SLC25A42: variants seen among roughly 807,000 people sequenced by gnomAD.
The protein encoded by SLC25A42 is solute carrier family 25 member 42.
In SLC25A42, 19 loss-of-function variants were observed where a neutral mutation model predicts 34.7. The ratio of observed to expected loss-of-function variants is 0.55; its 90% CI spans 0.38 to 0.80. The LOEUF (loss-of-function observed/expected upper bound fraction) is 0.80. Among genes scored for constraint, SLC25A42 ranks in the 30% least tolerant of loss-of-function variants. The pLI, the probability that SLC25A42 is intolerant of heterozygous loss-of-function variation, is 0.00. For missense variants in SLC25A42, 364 were observed against 441.3 expected, an observed-to-expected ratio of 0.82 and a Z score of 1.57; for synonymous variants, 205 against 191.2, an observed-to-expected ratio of 1.07 and a Z score of -0.59.
chr19:19,085,127 T>A (rs547937702), intron 1 of SLC25A42, among the ~76,000 whole-genome samples: 1 of 152,170 alleles, frequency 6.6e-6, no homozygotes, highest in East Asian at 1.9e-4. Flanking sequence ...CTGAGTTTCA[T>A]CTGCAGAGTA....
At position 19,065,761 on chromosome 19, in the gene SLC25A42, ATAT is replaced by A. The variant is rs563971229; in HGVS notation, c.-35+1648_-35+1650del. 4.5e-3 allele frequency among the ~76,000 whole-genome samples: 691 copies of A among 152,322 alleles called. 7 individuals are homozygous for A. Among genetic ancestry groups the A allele is most frequent in the African/African-American group, 0.016 (663 of 41,558 alleles). On this transcript the variant is annotated intron_variant, in intron 1 of 7. Transcript: ENST00000318596. ...GTACACATATGTACATGTACCTATA[ATAT>A]TCATATGTTTATATACATATTTTAT...
Position 19,066,387 on chromosome 19 carries a change from A to G in SLC25A42, c.-35+2272A>G, listed in dbSNP as rs529121175. On this transcript the variant is annotated intron_variant, in intron 1 of 7. Coordinates refer to ENST00000318596, the MANE Select transcript of SLC25A42 (RefSeq NM_178526.5). ...TGGTAAATTTGCATTGAGCAGACAT[A>G]TGCATTCTAAGGCCAGTCCCTTACT... Among the ~76,000 whole-genome samples, 8 of 151,914 alleles carry G rather than the reference A, an allele frequency of 5.3e-5. No homozygotes were observed. The South Asian group carries it at 1.7e-3, about 32-fold the overall frequency.
intron 2 of SLC25A42, among the ~76,000 whole-genome samples, chr19:19,101,035 A>T (rs1007872737): frequency 1.3e-5 from 2 of 152,124 alleles, no homozygotes; most frequent in Non-Finnish European, 2.9e-5. Flanking sequence ...CCCGTGGCCG[A>T]GTCAGCAGGG....
rs1461570466 is a variant in SLC25A42 at position 19,085,445 on chromosome 19, G to T, written c.-34-10646G>T. Among the ~76,000 whole-genome samples, 6 of 151,212 alleles carry T rather than the reference G, an allele frequency of 4.0e-5. No individual in the cohort carries two copies. In the East Asian group the frequency reaches 7.7e-4, roughly 20 times the overall value. ...CACCCACGCTGGAGTGCAGTGCCGCGATCTCAGCCCACTGCAACCTCTGCT... is the reference window on the plus strand; with the variant it reads ...CACCCACGCTGGAGTGCAGTGCCGCTATCTCAGCCCACTGCAACCTCTGCT... On this transcript the variant is annotated intron_variant, in intron 1 of 7. Transcript: ENST00000318596.
At chr19:19,069,425 A>G (rs2059618226) in intron 1 of SLC25A42, among the ~76,000 whole-genome samples, 1 of 152,166 alleles carries the variant, frequency 6.6e-6, no homozygotes, top group Admixed American at 6.5e-5. Context: ...AAATTACCAC[A>G]AACTGGGGGG....
Position 19,096,087 on chromosome 19 carries a change from C to G in SLC25A42, c.-34-4C>G, listed in dbSNP as rs76580632. The G allele has an allele frequency of 4.4e-6, 7 of 1,587,058 alleles. No homozygotes were observed. Among genetic ancestry groups the G allele is most frequent in the African/African-American group, 1.3e-5 (1 of 74,482 alleles). On this transcript the variant is annotated splice_region_variant and splice_polypyrimidine_tract_variant and intron_variant, in intron 1 of 7. Transcript: ENST00000318596. ...TATCTTACCACCTCCCCTTACCCCC[C>G]CAGGACCGAGTCTCCTGCCATTCCG... is the stretch of plus-strand genomic sequence containing the variant.
At chr19:19,073,700 G>A (rs566532524) in intron 1 of SLC25A42, among the ~76,000 whole-genome samples, 1 of 151,552 alleles carries the variant, frequency 6.6e-6, no homozygotes, top group African/African-American at 2.4e-5. Context: ...CCAGCCTCCC[G>A]AATAGCTGGG....
intron 1 of SLC25A42, among the ~76,000 whole-genome samples, chr19:19,074,704 T>G (rs560802500): frequency 6.6e-6 from 1 of 151,184 alleles, no homozygotes; most frequent in African/African-American, 2.4e-5. Context: ...TGTGAGAGAG[T>G]GTGTGTGTGC....
At chr19:19,075,228 T>A (rs1212731905) in intron 1 of SLC25A42, among the ~76,000 whole-genome samples, 1 of 152,096 alleles carries the variant, frequency 6.6e-6, no homozygotes, top group East Asian at 1.9e-4. Flanking sequence ...TTCCCATTGC[T>A]CTGGAGGTTC....
At chr19:19,064,808 C>T (rs1465110315) in intron 1 of SLC25A42, among the ~76,000 whole-genome samples, 1 of 151,950 alleles carries the variant, frequency 6.6e-6, no homozygotes, top group Non-Finnish European at 1.5e-5. Context: ...CCAGGTCCTC[C>T]AATAGTCCCC....
intron 1 of SLC25A42, 100 bp from the exon 2 acceptor site, chr19:19,095,991 C>T: frequency 2.5e-6 from 2 of 785,896 alleles, no homozygotes; most frequent in Non-Finnish European, 4.4e-6. Context: ...GCATCCCTCC[C>T]CACGCAGGGA....
In SLC25A42 at chr19:19,112,242, T is replaced by C. The variant is rs1306828316; in HGVS notation, c.*1366T>C. 2.0e-5 allele frequency: 3 copies of C among 152,456 alleles called. No individual in the cohort carries two copies. Among genetic ancestry groups the C allele is most frequent in the African/African-American group, 7.2e-5 (3 of 41,474 alleles). 9.4% of individuals were successfully genotyped at this position (152,456 alleles called of 1,614,324 possible). On this transcript the variant is annotated 3_prime_UTR_variant, in exon 8 of 8. Coordinates refer to ENST00000318596, the MANE Select transcript of SLC25A42 (RefSeq NM_178526.5). The surrounding 1 kb of genome is among the most constrained non-coding windows in gnomAD (Gnocchi z 4.3). The stretch of plus-strand genomic sequence containing the variant: ...TCAGCACACGCTGTGTGAAGGGATC[T>C]GAGCTTGTTCATCTCCAGTCGTGAC...
chr19:19,086,788 A>G (rs1026529772), intron 1 of SLC25A42, among the ~76,000 whole-genome samples: 1 of 151,790 alleles, frequency 6.6e-6, no homozygotes, highest in Admixed American at 6.6e-5. Flanking sequence ...CTACAGGTAC[A>G]TGCCACCACA....
At chr19:19,085,063 G>A (rs1034544111) in intron 1 of SLC25A42, among the ~76,000 whole-genome samples, 3 of 152,128 alleles carry the variant, frequency 2.0e-5, no homozygotes, top group African/African-American at 7.2e-5. Flanking sequence ...TGTGGCTTTC[G>A]GATCCTGCAC....
intron 1 of SLC25A42, among the ~76,000 whole-genome samples, chr19:19,068,274 G>T (rs1039001934): frequency 1.6e-4 from 24 of 150,786 alleles, no homozygotes; most frequent in Non-Finnish European, 2.8e-4. Flanking sequence ...AGAATTGCTT[G>T]AACCCGGGAG....
At chr19:19,088,809 GTTTTC>G (rs977043495) in intron 1 of SLC25A42, among the ~76,000 whole-genome samples, 9 of 133,664 alleles carry the variant, frequency 6.7e-5, no homozygotes, top group African/African-American at 8.6e-5. Context: ...TTTTTTTTTC[GTTTTC>G]TTTTGTTTTT....
intron 1 of SLC25A42, among the ~76,000 whole-genome samples, chr19:19,068,503 C>A (rs2059613605): frequency 6.6e-6 from 1 of 151,992 alleles, no homozygotes; most frequent in African/African-American, 2.4e-5. Flanking sequence ...CCCGTCTCTA[C>A]TAAAAATACA....
At chr19:19,102,077 T>C (rs898609381) in intron 3 of SLC25A42, among the ~76,000 whole-genome samples, 191 bp downstream of exon 3, 8 of 151,988 alleles carry the variant, frequency 5.3e-5, no homozygotes, top group Non-Finnish European at 1.0e-4. Flanking sequence ...GGTGCAATCT[T>C]GGCTCACCGC....
intron 6 of SLC25A42, 82 bp from the exon 7 acceptor site, chr19:19,107,812 G>T (rs899658372): frequency 2.0e-6 from 3 of 1,499,368 alleles, no homozygotes; most frequent in South Asian, 2.3e-5. Context: ...AGCCGGCTTC[G>T]GGAGGAGCCG....
Sources: allele counts gnomAD v4.1 joint callset (sites outside exome capture counted in the v4.1 genomes callset), GRCh38; gene constraint gnomAD v4.1.1; non-coding constraint Gnocchi (gnomAD v3.1); transcripts MANE v1.5; gene names NCBI Gene and HGNC (gene_info 2026-07-23, HGNC 2026-07-21).